The following C1QTNF7 variants were observed in gnomAD, a reference collection of about 807,000 sequenced individuals.
C1QTNF7 encodes complement C1q tumor necrosis factor-related protein 7.
C1QTNF7 carries 15 observed loss-of-function variants against 19.6 expected under a neutral mutation model. The observed-to-expected ratio is 0.76, with a 90% confidence interval of 0.51 to 1.18. C1QTNF7 has a LOEUF of 1.18. C1QTNF7 is among the 50% of genes most tolerant of loss of function. C1QTNF7 has a pLI of 0.00. For synonymous variants in C1QTNF7, 142 were observed against 137.5 expected, an observed-to-expected ratio of 1.03 and a Z score of -0.23; for missense variants, 324 against 359.7, an observed-to-expected ratio of 0.90 and a Z score of 0.80.
intron 1 of C1QTNF7, among the ~76,000 whole-genome samples, chr4:15,380,864 G>A (rs1026532373): frequency 1.3e-5 from 2 of 151,782 alleles, no homozygotes; most frequent in Non-Finnish European, 2.9e-5. Flanking sequence ...GAACCTGGTG[G>A]GTGGAGGTTG....
chr4:15,434,551 AAC>A (rs1712455442), intron 1 of C1QTNF7, among the ~76,000 whole-genome samples: 1 of 152,152 alleles, frequency 6.6e-6, no homozygotes, highest in Non-Finnish European at 1.5e-5. Context: ...CAACCATCCA[AAC>A]ACAACTCATT....
chr4:15,392,825 C>G (rs1222053850), intron 1 of C1QTNF7, among the ~76,000 whole-genome samples: 2 of 152,134 alleles, frequency 1.3e-5, no homozygotes, highest in East Asian at 1.9e-4. Context: ...TGAAAATGTA[C>G]AGGTGAGAGT....
intron 1 of C1QTNF7, among the ~76,000 whole-genome samples, chr4:15,411,307 T>C (rs1719395101): frequency 6.6e-6 from 1 of 152,130 alleles, no homozygotes. Flanking sequence ...GAAAGATGAA[T>C]GTGCAAGGAA....
At chr4:15,395,418 G>A (rs2108903070) in intron 1 of C1QTNF7, among the ~76,000 whole-genome samples, 1 of 152,326 alleles carries the variant, frequency 6.6e-6, no homozygotes, top group Non-Finnish European at 1.5e-5. Flanking sequence ...CCTGGGAGGT[G>A]CAGTCTCTCC....
chr4:15,440,561 C>T (rs1712715719), intron 2 of C1QTNF7, among the ~76,000 whole-genome samples: 2 of 152,032 alleles, frequency 1.3e-5, no homozygotes, highest in Admixed American at 6.6e-5. Flanking sequence ...GCGCGCACCA[C>T]CACGTCCGGC....
intron 1 of C1QTNF7, among the ~76,000 whole-genome samples, chr4:15,354,494 G>C (rs1405971238): frequency 6.6e-6 from 1 of 152,022 alleles, no homozygotes; most frequent in African/African-American, 2.4e-5. Flanking sequence ...GACATCTGAG[G>C]GTCATGGCTG....
At chr4:15,441,003 G>A (rs1014984881) in intron 2 of C1QTNF7, among the ~76,000 whole-genome samples, 1 of 152,044 alleles carries the variant, frequency 6.6e-6, no homozygotes, top group Admixed American at 6.6e-5. Context: ...TTAGCTGAAT[G>A]TGGTGGTGCA....
chr4:15,364,707 A>G (rs1717449604), intron 1 of C1QTNF7, among the ~76,000 whole-genome samples: 1 of 152,224 alleles, frequency 6.6e-6, no homozygotes. Context: ...TGATTTTTAA[A>G]ACATGTATGG....
chr4:15,435,969 A>G lies in C1QTNF7; in HGVS notation c.226A>G (p.Lys76Glu). The G allele has an allele frequency of 6.2e-7, 1 of 1,613,572 alleles. No homozygotes were observed. The highest frequency in any genetic ancestry group is 8.5e-7 in the Non-Finnish European group (1 of 1,179,772). ...RDGRKGEKGE[K>E]GTAGLRGKTG... Reference sequence around the variant, plus strand: ...CGGCAGGAAAGGAGAGAAAGGTGAAAAGGGAACTGCAGGTAATGAATGAGA... The same window carrying G: ...CGGCAGGAAAGGAGAGAAAGGTGAAGAGGGAACTGCAGGTAATGAATGAGA... Residue 76 changes from lysine (K) to glutamate (E), a missense_variant, in exon 2 of 3, where the codon AAG becomes GAG. Physicochemically the swap from Lys to Glu is moderately conservative, Grantham distance 56. Coordinates refer to ENST00000444304, the MANE Select transcript of C1QTNF7 (RefSeq NM_031911.5).
intron 1 of C1QTNF7, among the ~76,000 whole-genome samples, chr4:15,383,692 C>T (rs1331115840): frequency 5.3e-5 from 8 of 152,222 alleles, no homozygotes; most frequent in African/African-American, 1.9e-4. Flanking sequence ...CTCCCAACCA[C>T]AGAATACTAG....
intron 1 of C1QTNF7, among the ~76,000 whole-genome samples, chr4:15,420,525 G>A (rs143357846): frequency 3.5e-4 from 54 of 152,286 alleles, no homozygotes; most frequent in African/African-American, 1.3e-3. Flanking sequence ...CATTTTTTGA[G>A]TTTGAGTAGC....
At chr4:15,376,499 T>C (rs191444165) in intron 1 of C1QTNF7, among the ~76,000 whole-genome samples, 61 of 152,326 alleles carry the variant, frequency 4.0e-4, no homozygotes, top group African/African-American at 1.5e-3. Flanking sequence ...TGTGCCTCAG[T>C]TCCCTTACAA....
At chr4:15,354,703 C>A (rs891639341) in intron 1 of C1QTNF7, among the ~76,000 whole-genome samples, 1 of 151,978 alleles carries the variant, frequency 6.6e-6, no homozygotes, top group African/African-American at 2.4e-5. Flanking sequence ...CAGGGAAGAA[C>A]ACACGATAAA....
At chr4:15,370,569 G>A (rs1717685346) in intron 1 of C1QTNF7, among the ~76,000 whole-genome samples, 1 of 152,126 alleles carries the variant, frequency 6.6e-6, no homozygotes, top group Non-Finnish European at 1.5e-5. Flanking sequence ...ATGGTGCTGA[G>A]TTGAAAACAT....
chr4:15,398,224 T>C (rs1718861771), intron 1 of C1QTNF7, among the ~76,000 whole-genome samples: 1 of 152,142 alleles, frequency 6.6e-6, no homozygotes. Context: ...TGACAGCAAT[T>C]TTATTCTTCC....
At chr4:15,429,811 A>C (rs1428991605) in intron 1 of C1QTNF7, among the ~76,000 whole-genome samples, 2 of 152,208 alleles carry the variant, frequency 1.3e-5, no homozygotes, top group Admixed American at 6.5e-5. Flanking sequence ...TTGCCATATC[A>C]TATGGTAATT....
At chr4:15,430,741 A>G (rs1712267902) in intron 1 of C1QTNF7, among the ~76,000 whole-genome samples, 1 of 152,220 alleles carries the variant, frequency 6.6e-6, no homozygotes, top group African/African-American at 2.4e-5. Flanking sequence ...GAGTGGGTAA[A>G]GAGTGGATTA....
At chr4:15,393,215 C>T (rs1424771509) in intron 1 of C1QTNF7, among the ~76,000 whole-genome samples, 1 of 152,194 alleles carries the variant, frequency 6.6e-6, no homozygotes, top group Non-Finnish European at 1.5e-5. Context: ...ATTGTGAGGC[C>T]TCCCTAGCCA....
chr4:15,431,045 AGATAGAT>A (rs1381153877), intron 1 of C1QTNF7, among the ~76,000 whole-genome samples: 24 of 143,852 alleles, frequency 1.7e-4, no homozygotes, highest in African/African-American at 6.4e-4. Flanking sequence ...AGATTAAGAT[AGATAGAT>A]GATAGATAGA....
Sources: allele counts gnomAD v4.1 joint callset (sites outside exome capture counted in the v4.1 genomes callset), GRCh38; gene constraint gnomAD v4.1.1; transcripts MANE v1.5; gene names NCBI Gene and HGNC (gene_info 2026-07-23, HGNC 2026-07-21).